The following BMAL1 variants were observed in gnomAD, a reference collection of about 807,000 sequenced individuals.
The protein encoded by BMAL1 is basic helix-loop-helix ARNT like 1, also known as basic helix-loop-helix ARNT-like protein 1.
the BMAL1 span, among the ~76,000 whole-genome samples, chr11:13,374,607 A>G: frequency 6.6e-6 from 1 of 152,110 alleles, no homozygotes; most frequent in East Asian, 1.9e-4. Context: ...CTGTGTCTCC[A>G]CCAGATCCTG....
At chr11:13,289,128 C>T in the BMAL1 span, among the ~76,000 whole-genome samples, 1 of 152,126 alleles carries the variant, frequency 6.6e-6, no homozygotes, top group Non-Finnish European at 1.5e-5. Context: ...CTGTTGAGCC[C>T]TTTTCAGTGT....
chr11:13,368,209 A>G, the BMAL1 span, among the ~76,000 whole-genome samples: 1 of 152,226 alleles, frequency 6.6e-6, no homozygotes, highest in African/African-American at 2.4e-5. Context: ...GCATAGTAAT[A>G]GGTACAGCCA....
At chr11:13,327,668 A>G in the BMAL1 span, among the ~76,000 whole-genome samples, 1 of 152,176 alleles carries the variant, frequency 6.6e-6, no homozygotes, top group African/African-American at 2.4e-5. Flanking sequence ...TCTGATTGTT[A>G]CCATCATCGT....
At chr11:13,337,092 A>C in the BMAL1 span, among the ~76,000 whole-genome samples, 1 of 152,230 alleles carries the variant, frequency 6.6e-6, no homozygotes, top group Non-Finnish European at 1.5e-5. Flanking sequence ...ATCTCAGCCC[A>C]CAAAGATAGC....
At chr11:13,337,213 T>G in the BMAL1 span, among the ~76,000 whole-genome samples, 1 of 152,216 alleles carries the variant, frequency 6.6e-6, no homozygotes. Context: ...TGAGAAATTA[T>G]AACGTTAAAA....
chr11:13,371,095 C>T, the BMAL1 span, among the ~76,000 whole-genome samples: 11 of 152,360 alleles, frequency 7.2e-5, no homozygotes, highest in Admixed American at 2.0e-4. Flanking sequence ...CTGTCTCCCC[C>T]ACTAGGCTGT....
chr11:13,356,757 C>T, the BMAL1 span: 2 of 1,614,174 alleles, frequency 1.2e-6, no homozygotes, highest in Non-Finnish European at 1.7e-6. Flanking sequence ...TGGACACAGA[C>T]AAAGATGACC....
chr11:13,386,555 T>TA, the BMAL1 span: 3 of 1,506,064 alleles, frequency 2.0e-6, no homozygotes, highest in Admixed American at 1.9e-5. Flanking sequence ...GAAGATGCTT[T>TA]AAAAAAGAAA....
chr11:13,371,511 C>T, the BMAL1 span, among the ~76,000 whole-genome samples: 1 of 152,210 alleles, frequency 6.6e-6, no homozygotes, highest in Non-Finnish European at 1.5e-5. Context: ...GCCCCTGAAT[C>T]AGCCTTCCTA....
the BMAL1 span, among the ~76,000 whole-genome samples, chr11:13,330,481 C>A: frequency 2.0e-5 from 3 of 152,252 alleles, no homozygotes; most frequent in African/African-American, 7.2e-5. Flanking sequence ...CATTGCAGAG[C>A]ATGCCATATC....
the BMAL1 span, among the ~76,000 whole-genome samples, chr11:13,321,751 T>C: frequency 6.6e-6 from 1 of 152,202 alleles, no homozygotes; most frequent in Non-Finnish European, 1.5e-5. Flanking sequence ...CTTTTATTTC[T>C]AAGGTACTTG....
the BMAL1 span, among the ~76,000 whole-genome samples, chr11:13,286,246 C>G: frequency 6.6e-6 from 1 of 152,142 alleles, no homozygotes; most frequent in African/African-American, 2.4e-5. Flanking sequence ...ATCATAGGAC[C>G]CATTTACCTC....
At chr11:13,322,246 C>A in the BMAL1 span, among the ~76,000 whole-genome samples, 1 of 152,164 alleles carries the variant, frequency 6.6e-6, no homozygotes, top group African/African-American at 2.4e-5. Flanking sequence ...CTCCTGAGTG[C>A]ACTGGTTTTA....
chr11:13,308,400 G>A, the BMAL1 span, among the ~76,000 whole-genome samples: 2 of 152,296 alleles, frequency 1.3e-5, no homozygotes, highest in Middle Eastern at 6.8e-3. Flanking sequence ...TCTGAGCATT[G>A]TTAGCATGGA....
At chr11:13,341,607 AGCAGT>A in the BMAL1 span, among the ~76,000 whole-genome samples, 1 of 152,200 alleles carries the variant, frequency 6.6e-6, no homozygotes, top group Non-Finnish European at 1.5e-5. Flanking sequence ...ACCAGATAAC[AGCAGT>A]GCATTCTTTT....
At chr11:13,338,411 A>G in the BMAL1 span, among the ~76,000 whole-genome samples, 42 of 152,338 alleles carry the variant, frequency 2.8e-4, 1 homozygote, top group African/African-American at 1.0e-3. Context: ...AGTGCATTTT[A>G]GAAAGGTTTT....
the BMAL1 span, among the ~76,000 whole-genome samples, chr11:13,347,945 G>T: frequency 6.6e-6 from 1 of 152,212 alleles, no homozygotes. Flanking sequence ...AGTACCACCT[G>T]GAGTGAGGCA....
chr11:13,334,582 G>A, the BMAL1 span, among the ~76,000 whole-genome samples: 2 of 150,140 alleles, frequency 1.3e-5, no homozygotes, highest in Admixed American at 1.3e-4. Context: ...CTTGTTTAAA[G>A]TGCTTAGTCA....
the BMAL1 span, chr11:13,358,414 T>G: frequency 6.6e-6 from 10 of 1,516,684 alleles, no homozygotes; most frequent in Non-Finnish European, 8.8e-6. Flanking sequence ...TAAGAAATCG[T>G]TTTTCATATT....
Sources: gnomAD v4.1 joint callset for allele counts (sites outside exome capture counted in the v4.1 genomes callset) on GRCh38, gnomAD v4.1.1 for gene constraint, MANE v1.5 for transcripts, NCBI Gene and HGNC (gene_info 2026-07-23, HGNC 2026-07-21) for gene names.